The following ACAN variants were observed in gnomAD, a reference collection of about 807,000 sequenced individuals.
The protein encoded by ACAN is aggrecan, also known as aggrecan core protein.
In ACAN, 47 loss-of-function variants were observed where a neutral mutation model predicts 169.1. The observed-to-expected ratio is 0.28, with a 90% CI of 0.22 to 0.35. ACAN has a LOEUF of 0.35. ACAN is among the 10% of genes least tolerant of loss of function. ACAN has a pLI of 1.00. For synonymous variants in ACAN, 1,115 were observed against 1,112.2 expected (o/e 1.00, Z -0.05); for missense variants, 2,716 against 2,759.9 (o/e 0.98, Z 0.36).
chr15:88,830,206 A>G (rs1896324957), intron 1 of ACAN, among the ~76,000 whole-genome samples: 3 of 152,226 alleles, frequency 2.0e-5, no homozygotes, highest in East Asian at 1.9e-4. Flanking sequence ...GCCAGCCTCA[A>G]TGTCCCCAGG....
In ACAN at chr15:88,807,747, AGT is replaced by A. The variant is rs33937048; in HGVS notation, c.-8+3976_-8+3977del. On this transcript the variant is annotated intron_variant, in intron 1 of 18. Coordinates refer to ENST00000560601, the MANE Select transcript of ACAN (RefSeq NM_001369268.1). This position sits in a 1 kb window ranked among gnomAD's most constrained non-coding sequence, Gnocchi z 4.0. The stretch of plus-strand genomic sequence containing the variant: ...CTCAGAGCCTCCTTATAAGTGGTGG[AGT>A]GTGTGTGTGTGTGTGTGTGTGTGTG... Among the ~76,000 whole-genome samples, 499 of 142,066 alleles carry A rather than the reference AGT, an allele frequency of 3.5e-3. 3 individuals carry two copies. The highest frequency in any genetic ancestry group is 0.011 in the Middle Eastern group (3 of 274). 93.2% of individuals were successfully genotyped at this position (142,066 alleles called of 152,430 possible).
rs1209231746 is a variant in ACAN at position 88,866,615 on chromosome 15, A to T, written c.6947-1601A>T. Among the ~76,000 whole-genome samples, 1 of 151,720 alleles carries T rather than the reference A, an allele frequency of 6.6e-6. No individual in the cohort carries two copies. The highest frequency in any genetic ancestry group is 2.4e-5 in the African/African-American group (1 of 41,272). ...TTAAAGACTTCATGGGAAGAAAGAGATGCCCAACAACTGGAGATTAGGGCC... is the reference window on the plus strand; with the variant it reads ...TTAAAGACTTCATGGGAAGAAAGAGTTGCCCAACAACTGGAGATTAGGGCC... On this transcript the variant is annotated intron_variant, in intron 13 of 18. Transcript: ENST00000560601. The surrounding 1 kb of genome is among the most constrained non-coding windows in gnomAD (Gnocchi z 5.6).
rs990450183 is a variant in ACAN, at chr15:88,838,020, T to C, written c.71-643T>C. ...TGACACTCTCCATTATATTAACATG[T>C]TTGGAGTCTGATCCTATCCCATCGC... is the stretch of plus-strand genomic sequence containing the variant. On this transcript the variant is annotated intron_variant, in intron 2 of 18. Coordinates refer to ENST00000560601, the MANE Select transcript of ACAN (RefSeq NM_001369268.1). The surrounding 1 kb of genome is among the most constrained non-coding windows in gnomAD (Gnocchi z 5.1). Among the ~76,000 whole-genome samples, 1 of 151,868 alleles carries C rather than the reference T, an allele frequency of 6.6e-6. No homozygotes were observed. Among genetic ancestry groups the C allele is most frequent in the African/African-American group, 2.4e-5 (1 of 41,332 alleles).
In ACAN at chr15:88,866,573, G is replaced by GC. The variant is rs1007544915; in HGVS notation, c.6947-1636dup. Among the ~76,000 whole-genome samples, 4 of 151,658 alleles carry GC rather than the reference G, an allele frequency of 2.6e-5. No individual in the cohort carries two copies. The highest frequency in any genetic ancestry group is 2.1e-4 in the South Asian group (1 of 4,768). Reference sequence around the variant, plus strand: ...AACTGTTGGTTCTAGTCTATGGTGTGCCCCCCCGAGATGAAGTTAAAGACT... The same window carrying GC: ...AACTGTTGGTTCTAGTCTATGGTGTGCCCCCCCCGAGATGAAGTTAAAGACT... On this transcript the variant is annotated intron_variant, in intron 13 of 18. Coordinates refer to ENST00000560601, the MANE Select transcript of ACAN (RefSeq NM_001369268.1). The surrounding 1 kb of genome is among the most constrained non-coding windows in gnomAD (Gnocchi z 5.6).
chr15:88,845,762 G>A lies in ACAN; in HGVS notation c.1309G>A (p.Gly437Arg). The A allele has an allele frequency of 6.2e-7, 1 of 1,610,354 alleles. No individual in the cohort carries two copies. The highest frequency in any genetic ancestry group is 8.5e-7 in the Non-Finnish European group (1 of 1,177,754). Residue 437 changes from glycine (G) to arginine (R), a missense_variant, in exon 7 of 19, where the codon GGA (glycine) becomes AGA (arginine). By Grantham distance (125) the Gly-to-Arg change is moderately radical (BLOSUM62 -2). This residue lies in a region of ACAN where 1,283 missense variants were observed against 1,281.5 expected (regional missense o/e 1.00). Coordinates refer to ENST00000560601, the MANE Select transcript of ACAN (RefSeq NM_001369268.1). ...TAFAEVENET[G>R]EATRPWGFPT... ...CTTCGCTGAGGTTGAGAATGAGACT[G>A]GAGAGGCCACCAGGCCCTGGGGCTT... is the stretch of plus-strand genomic sequence containing the variant.
In ACAN at chr15:88,869,231, C is replaced by T. The variant is rs1028503122; in HGVS notation, c.7060+902C>T. Among the ~76,000 whole-genome samples the T allele has an allele frequency of 2.6e-5, 4 of 152,184 alleles. No individual in the cohort carries two copies. Among genetic ancestry groups the T allele is most frequent in the African/African-American group, 9.7e-5 (4 of 41,442 alleles). The stretch of plus-strand genomic sequence containing the variant: ...TGGATACTTGTCTCAGTGGCCCAGA[C>T]AGAACTGGAAGTGTGTAGGGGCTTA... On this transcript the variant is annotated intron_variant, in intron 14 of 18. Transcript: ENST00000560601. The surrounding 1 kb of genome is among the most constrained non-coding windows in gnomAD (Gnocchi z 4.2).
At position 88,873,944 on chromosome 15, in the gene ACAN, G is replaced by A. The variant is rs775273821; in HGVS notation, c.7550G>A (p.Gly2517Glu). 6.2e-7 allele frequency: 1 copy of A among 1,613,476 alleles called. No homozygotes were observed. The highest frequency in any genetic ancestry group is 1.3e-5 in the African/African-American group (1 of 74,914). The change falls in exon 18 of 19, where the codon GGG (glycine) becomes GAG (glutamate). Residue 2517 changes from glycine to glutamate, a missense_variant. Around this residue, in one of 3 missense-constraint regions of ACAN, gnomAD observed 1,389 missense variants for 1,363.7 expected, o/e 1.02. Transcript: ENST00000560601. The surrounding 1 kb of genome is among the most constrained non-coding windows in gnomAD (Gnocchi z 7.5). ...CTGGTGCGGTACCAGTGCACAGAGG[G>A]GTTTGTCCAGCGCCACATGCCCACC... ...NSLVRYQCTE[G>E]FVQRHMPTIR...
In ACAN at chr15:88,820,886, A is replaced by G. The variant is rs2141516214; in HGVS notation, c.-7-15314A>G. Among the ~76,000 whole-genome samples the G allele has an allele frequency of 3.9e-5, 6 of 152,286 alleles. 1 individual carries two copies. In the Middle Eastern group the frequency reaches 0.017, roughly 432 times the overall value. ...CAAGACTGGGTAATTTATAAAGGAAAGAGGTTTAAATGACTCACAGTTTAG... is the reference window on the plus strand; with the variant it reads ...CAAGACTGGGTAATTTATAAAGGAAGGAGGTTTAAATGACTCACAGTTTAG... On this transcript the variant is annotated intron_variant, in intron 1 of 18. Coordinates refer to ENST00000560601, the MANE Select transcript of ACAN (RefSeq NM_001369268.1).
At chr15:88,859,446 T>A (rs1451718648) in intron 12 of ACAN, 29 bp downstream of exon 12, 4 of 1,551,508 alleles carry the variant, frequency 2.6e-6, no homozygotes, top group Non-Finnish European at 3.5e-6. Flanking sequence ...CCTTTAAATG[T>A]GCTTAGGTAG....
rs373432805 is a variant in ACAN at position 88,843,418 on chromosome 15, G to A, written c.821G>A (p.Arg274Gln). The A allele has an allele frequency of 2.4e-5, 39 of 1,604,228 alleles. No individual in the cohort carries two copies. The highest frequency in any genetic ancestry group is 8.0e-5 in the African/African-American group (6 of 74,688). ...TTCCAGGAAGCAGCCAATGAGTGCC[G>A]GCGGCTGGGTGCCCGGCTGGCCACC... is the stretch of plus-strand genomic sequence containing the variant. ...FTFQEAANEC[R>Q]RLGARLATTG... is the part of the protein sequence containing the mutation. Residue 274 changes from arginine (R) to glutamine (Q), a missense_variant, in exon 6 of 19, where the codon CGG becomes CAG. Coordinates refer to ENST00000560601, the MANE Select transcript of ACAN (RefSeq NM_001369268.1). This position sits in a 1 kb window ranked among gnomAD's most constrained non-coding sequence, Gnocchi z 4.0.
At chr15:88,832,162 G>A (rs1173122550) in intron 1 of ACAN, among the ~76,000 whole-genome samples, 1 of 152,076 alleles carries the variant, frequency 6.6e-6, no homozygotes, top group Non-Finnish European at 1.5e-5. Flanking sequence ...TTCATGCCAG[G>A]GAGGTCATTA....
intron 13 of ACAN, among the ~76,000 whole-genome samples, chr15:88,862,546 G>T (rs1897215817): frequency 6.6e-6 from 1 of 152,152 alleles, no homozygotes. Flanking sequence ...CAAAACCTGG[G>T]TCTCTTTTCC....
chr15:88,820,841 G>C (rs554293146), intron 1 of ACAN, among the ~76,000 whole-genome samples: 1 of 152,064 alleles, frequency 6.6e-6, no homozygotes, highest in Admixed American at 6.5e-5. Context: ...CCATTCTCAC[G>C]CTGCTAATAA....
chr15:88,836,459 G>A (rs766617563), intron 2 of ACAN, among the ~76,000 whole-genome samples, 183 bp downstream of exon 2: 5 of 152,154 alleles, frequency 3.3e-5, no homozygotes, highest in Middle Eastern at 3.4e-3. Flanking sequence ...ACCCATGCGC[G>A]GGCACACTCT....
Position 88,874,613 on chromosome 15 carries a change from T to G in ACAN, c.*132T>G, listed in dbSNP as rs1897468811. On this transcript the variant is annotated 3_prime_UTR_variant, in exon 19 of 19. Coordinates refer to ENST00000560601, the MANE Select transcript of ACAN (RefSeq NM_001369268.1). The surrounding 1 kb of genome is among the most constrained non-coding windows in gnomAD (Gnocchi z 7.3). ...GAATCCCATTAAAGAAGGAAAAAAA[T>G]AAATCCCACATTTGTGTATGCACCC... 2.2e-6 allele frequency: 2 copies of G among 914,772 alleles called. No individual in the cohort carries two copies. The highest frequency in any genetic ancestry group is 3.5e-6 in the Non-Finnish European group (2 of 576,640). The allele number at this position is 914,772 out of a possible 1,614,324, so 56.7% of individuals were successfully genotyped here.
rs138239565 is a variant in ACAN at position 88,873,727 on chromosome 15, A to G, written c.7448-115A>G. ...TTCTTAGCGCTGCATGAAAACGTCC[A>G]GGGCTCACTGTCAGATGTTGAGGCT... is the stretch of plus-strand genomic sequence containing the variant. On this transcript the variant is annotated intron_variant, in intron 17 of 18. Transcript: ENST00000560601. This position sits in a 1 kb window ranked among gnomAD's most constrained non-coding sequence, Gnocchi z 7.5. The G allele has an allele frequency of 5.8e-3, 6,610 of 1,135,072 alleles. 381 individuals are homozygous for G. In the South Asian group the frequency reaches 0.09, roughly 15 times the overall value. 70.3% of individuals were successfully genotyped at this position (1,135,072 alleles called of 1,614,324 possible).
intron 1 of ACAN, among the ~76,000 whole-genome samples, chr15:88,820,168 G>A (rs1472135181): frequency 6.6e-6 from 1 of 152,182 alleles, no homozygotes; most frequent in East Asian, 1.9e-4. Flanking sequence ...AAAGGACGTA[G>A]TTGTGATAGG....
rs1478294582 is a variant in ACAN, at chr15:88,807,977, T to G, written c.-8+4168T>G. ...CTTTGAGGTTACATGTTTTTCCTCT[T>G]AAGATACACACTCAAAAAAGGAGCC... On this transcript the variant is annotated intron_variant, in intron 1 of 18. Coordinates refer to ENST00000560601, the MANE Select transcript of ACAN (RefSeq NM_001369268.1). This position sits in a 1 kb window ranked among gnomAD's most constrained non-coding sequence, Gnocchi z 4.0. Among the ~76,000 whole-genome samples, 1 of 152,206 alleles carries G rather than the reference T, an allele frequency of 6.6e-6. No homozygotes were observed. The highest frequency in any genetic ancestry group is 1.5e-5 in the Non-Finnish European group (1 of 68,034).
Position 88,840,017 on chromosome 15 carries a change from G to C in ACAN, c.460G>C (p.Val154Leu), listed in dbSNP as rs370113313. The change falls in exon 4 of 19, where the codon GTG becomes CTG. Residue 154 changes from valine to leucine, a missense_variant. By Grantham distance (32) the Val-to-Leu change is conservative. Around this residue, in one of 3 missense-constraint regions of ACAN, gnomAD observed 1,283 missense variants for 1,281.5 expected, o/e 1.00. Transcript: ENST00000560601. ...ATLEVVVKGI[V>L]FHYRAISTRY... ...GGCGTGTATGTGTCTTGCAGGCATC[G>C]TGTTCCATTACAGAGCCATCTCTAC... The C allele has an allele frequency of 1.3e-6, 2 of 1,598,904 alleles. No individual in the cohort carries two copies. The highest frequency in any genetic ancestry group is 2.7e-5 in the African/African-American group (2 of 74,688).
Sources: allele counts gnomAD v4.1 joint callset (sites outside exome capture counted in the v4.1 genomes callset), GRCh38; gene constraint gnomAD v4.1.1; regional missense constraint gnomAD v4.1.1; non-coding constraint Gnocchi (gnomAD v3.1); transcripts MANE v1.5; gene names NCBI Gene and HGNC (gene_info 2026-07-23, HGNC 2026-07-21).